Variants in CACNA1C observed in about 807,000 individuals in gnomAD.
The protein encoded by CACNA1C is voltage-dependent L-type calcium channel subunit alpha-1C.
A neutral mutation model predicts 229.0 loss-of-function variants in CACNA1C; 30 were observed. The ratio of observed to expected loss-of-function variants is 0.13; its 90% CI spans 0.10 to 0.18. The LOEUF (loss-of-function observed/expected upper bound fraction) is 0.18. CACNA1C is among the 10% of genes least tolerant of loss of function. The probability of loss-of-function intolerance (pLI) is 1.00; values close to 1 mark genes in which losing one functional copy is unlikely to be tolerated. For synonymous variants in CACNA1C, 1,114 were observed against 1,132.5 expected (o/e 0.98, Z 0.33); for missense variants, 1,658 against 2,845.0 (o/e 0.58, Z 9.49).
At chr12:2,276,407 A>C (rs1027761729) in intron 3 of CACNA1C, among the ~76,000 whole-genome samples, 1 of 152,226 alleles carries the variant, frequency 6.6e-6, no homozygotes, top group Non-Finnish European at 1.5e-5. Flanking sequence ...TCTTATTACC[A>C]AAGAACTCTT....
intron 3 of CACNA1C, among the ~76,000 whole-genome samples, chr12:2,334,950 G>A (rs2096647190): frequency 6.6e-6 from 1 of 152,130 alleles, no homozygotes; most frequent in African/African-American, 2.4e-5. Flanking sequence ...AGAGCTTCTT[G>A]CACGTTCTCT....
chr12:2,217,790 A>G (rs1434025151), intron 3 of CACNA1C: 1 of 152,210 alleles, frequency 6.6e-6, no homozygotes, highest in African/African-American at 2.4e-5. Flanking sequence ...TGCACCTGTC[A>G]TGTTCACGAT....
At chr12:2,572,158 C>T (rs1052032586) in intron 13 of CACNA1C, among the ~76,000 whole-genome samples, 8 of 151,658 alleles carry the variant, frequency 5.3e-5, no homozygotes, top group Non-Finnish European at 1.2e-4. Flanking sequence ...GCCAGCAACT[C>T]CTGGAGAGTT....
chr12:2,142,784 AC>A (rs1402188116), intron 3 of CACNA1C, among the ~76,000 whole-genome samples: 1 of 151,354 alleles, frequency 6.6e-6, no homozygotes, highest in African/African-American at 2.4e-5. Context: ...AGAAAATGTT[AC>A]AAATAGAAAA....
intron 29 of CACNA1C, chr12:2,614,628 T>C (rs1392838231): frequency 2.0e-5 from 3 of 152,224 alleles, no homozygotes; most frequent in Non-Finnish European, 2.9e-5. Context: ...CACCATTAAG[T>C]AGGACTCTGT....
At chr12:2,082,852 CTACTT>C (rs1327323213) in intron 1 of CACNA1C, among the ~76,000 whole-genome samples, 3 of 152,172 alleles carry the variant, frequency 2.0e-5, no homozygotes, top group African/African-American at 7.2e-5. Context: ...CTGCTCAAGT[CTACTT>C]TATATCGTAT....
chr12:2,458,435 G>A (rs185309798), intron 5 of CACNA1C, among the ~76,000 whole-genome samples: 7 of 152,336 alleles, frequency 4.6e-5, no homozygotes, highest in East Asian at 1.9e-4. Flanking sequence ...CTGGGAAGGC[G>A]CAAGCAAACC....
At chr12:2,525,748 A>C (rs1203461752) in intron 9 of CACNA1C, among the ~76,000 whole-genome samples, 1 of 152,236 alleles carries the variant, frequency 6.6e-6, no homozygotes, top group Non-Finnish European at 1.5e-5. Context: ...TTACTTCACC[A>C]AATGGAAATA....
At position 2,633,884 on chromosome 12, in the gene CACNA1C, GA is replaced by G. The variant is rs1256415311; in HGVS notation, c.3829-406del. 3.9e-5 allele frequency among the ~76,000 whole-genome samples: 6 copies of G among 151,906 alleles called. No homozygotes were observed. The highest frequency in any genetic ancestry group is 8.8e-5 in the Non-Finnish European group (6 of 67,960). On this transcript the variant is annotated intron_variant, in intron 29 of 46. Coordinates refer to ENST00000399655, the MANE Select transcript of CACNA1C (RefSeq NM_000719.7). The surrounding 1 kb of genome is among the most constrained non-coding windows in gnomAD (Gnocchi z 5.8). ...TTGAACCTGCCGTCGTCCTGTGGGG[GA>G]AAAAAAGTGGGAGCTTCTCCTCCTT...
At chr12:2,510,296 G>A (rs1271115611) in intron 8 of CACNA1C, among the ~76,000 whole-genome samples, 1 of 152,168 alleles carries the variant, frequency 6.6e-6, no homozygotes, top group Non-Finnish European at 1.5e-5. Context: ...ACTGCCACCA[G>A]CAGATCCTTT....
chr12:2,003,335 T>C (rs1156567294), intron 1 of CACNA1C, among the ~76,000 whole-genome samples: 1 of 152,262 alleles, frequency 6.6e-6, no homozygotes, highest in Non-Finnish European at 1.5e-5. Flanking sequence ...AAAAAGTTTA[T>C]CTGAAATCCA....
chr12:2,350,523 A>G (rs61503542), intron 3 of CACNA1C, among the ~76,000 whole-genome samples: 1,695 of 152,304 alleles, frequency 0.011, 26 homozygotes, highest in African/African-American at 0.038. Context: ...AAAGAGAAAG[A>G]TCAAGGGGGC....
chr12:2,590,685 G>T (rs554177025), intron 18 of CACNA1C, among the ~76,000 whole-genome samples: 62 of 152,304 alleles, frequency 4.1e-4, no homozygotes, highest in African/African-American at 1.4e-3. Flanking sequence ...TCATAAACGG[G>T]GGGGAGCTCG....
At chr12:2,312,847 G>A (rs955488384) in intron 3 of CACNA1C, among the ~76,000 whole-genome samples, 1 of 151,986 alleles carries the variant, frequency 6.6e-6, no homozygotes, top group African/African-American at 2.4e-5. Context: ...GTTGAGCAAG[G>A]GCTCCCCAGT....
At chr12:2,443,124 G>C (rs866737789) in intron 3 of CACNA1C, among the ~76,000 whole-genome samples, 1 of 152,200 alleles carries the variant, frequency 6.6e-6, no homozygotes. Context: ...CAGGGCTGGA[G>C]GGCCCGGTAG....
chr12:2,070,908 TCTCCTTCCTTC>T lies in CACNA1C; in HGVS notation c.49+17310_49+17320del, dbSNP rs1201780324. ...CCTTCCTTCCTTCCTTCCTTTTCTC[TCTCCTTCCTTC>T]CTCCTTCCTTCCCTTTCCCCTTTCC... is the stretch of plus-strand genomic sequence containing the variant. On this transcript the variant is annotated intron_variant, in intron 1 of 46. Transcript: ENST00000399655. Among the ~76,000 whole-genome samples, 100 of 147,736 alleles carry T rather than the reference TCTCCTTCCTTC, an allele frequency of 6.8e-4. 1 individual carries two copies. The highest frequency in any genetic ancestry group is 2.3e-3 in the African/African-American group (89 of 38,776).
At chr12:2,297,646 G>T (rs904710308) in intron 3 of CACNA1C, among the ~76,000 whole-genome samples, 1 of 152,170 alleles carries the variant, frequency 6.6e-6, no homozygotes, top group East Asian at 1.9e-4. Flanking sequence ...CTGTGACATC[G>T]AAAGCATTCC....
intron 29 of CACNA1C, among the ~76,000 whole-genome samples, chr12:2,617,399 G>C (rs1342414324): frequency 6.6e-6 from 1 of 152,206 alleles, no homozygotes; most frequent in Non-Finnish European, 1.5e-5. Flanking sequence ...GGGGGCTCTG[G>C]AATGGTCGTC....
intron 3 of CACNA1C, among the ~76,000 whole-genome samples, chr12:2,401,089 G>A (rs2098670997): frequency 6.6e-6 from 1 of 152,126 alleles, no homozygotes; most frequent in South Asian, 2.1e-4. Flanking sequence ...CCTGCCCACA[G>A]CCTTCTCAGA....
Sources: allele counts gnomAD v4.1 joint callset (sites outside exome capture counted in the v4.1 genomes callset), GRCh38; gene constraint gnomAD v4.1.1; non-coding constraint Gnocchi (gnomAD v3.1); transcripts MANE v1.5; gene names NCBI Gene and HGNC (gene_info 2026-07-23, HGNC 2026-07-21).